NF1: variants seen among roughly 807,000 people sequenced by gnomAD.
NF1 encodes the protein neurofibromin.
A neutral mutation model predicts 325.7 loss-of-function variants in NF1; 122 were observed. That is an observed-to-expected ratio of 0.37 (90% CI 0.32 to 0.44). The LOEUF (loss-of-function observed/expected upper bound fraction) is 0.44, where lower values mean the gene tolerates loss of function less well. NF1 is among the 20% of genes least tolerant of loss of function. The pLI, the probability that NF1 is intolerant of heterozygous loss-of-function variation, is 1.00. For synonymous variants in NF1, 1,091 were observed against 1,186.0 expected (o/e 0.92, Z 1.65); for missense variants, 2,140 against 3,415.4 (o/e 0.63, Z 9.31).
At chr17:31,257,906 G>A (rs1030210326) in intron 31 of NF1, among the ~76,000 whole-genome samples, 1 of 152,006 alleles carries the variant, frequency 6.6e-6, no homozygotes, top group Non-Finnish European at 1.5e-5. Context: ...GTACTATCAG[G>A]TATAGGATGT....
Position 31,219,078 on chromosome 17 carries a change from C to T in NF1, c.1601C>T (p.Pro534Leu). 6.2e-7 allele frequency: 1 copy of T among 1,613,864 alleles called. No homozygotes were observed. Among genetic ancestry groups the T allele is most frequent in the Non-Finnish European group, 8.5e-7 (1 of 1,179,878 alleles). ...ELITGLVQLV[P>L]QSHMPEIAQE... ...ATTACAGGGCTCGTCCAACTGGTCCCTCAGTCACACATGCCAGAGATTGCT... is the reference window on the plus strand; with the variant it reads ...ATTACAGGGCTCGTCCAACTGGTCCTTCAGTCACACATGCCAGAGATTGCT... The change falls in exon 14 of 58, where the codon CCT (proline) becomes CTT (leucine). Residue 534 changes from proline (P) to leucine (L), a missense_variant. Transcript: ENST00000358273.
chr17:31,248,416 A>G (rs1357313978), intron 29 of NF1, among the ~76,000 whole-genome samples: 4 of 152,232 alleles, frequency 2.6e-5, no homozygotes, highest in African/African-American at 9.6e-5. Flanking sequence ...ACTTAAACAC[A>G]CATACACGTG....
chr17:31,376,607 A>G lies in NF1; in HGVS notation c.*2452A>G, dbSNP rs1302041753. ...CCACTATGTGTCCCTTGAGAAATGCAACACTTTTTTAGTCTTCATACTTGT... is the reference window on the plus strand; with the variant it reads ...CCACTATGTGTCCCTTGAGAAATGCGACACTTTTTTAGTCTTCATACTTGT... On this transcript the variant is annotated 3_prime_UTR_variant, in exon 58 of 58. Transcript: ENST00000358273. 2.1e-5 allele frequency: 5 copies of G among 232,980 alleles called. No individual in the cohort carries two copies. The highest frequency in any genetic ancestry group is 4.2e-5 in the Non-Finnish European group (5 of 117,936). 14.4% of individuals were successfully genotyped at this position (232,980 alleles called of 1,614,324 possible). A position where few individuals can be genotyped will look rare whatever the true frequency, so the allele number is the denominator to read the frequency against.
At chr17:31,132,707 C>T (rs1597598457) in intron 1 of NF1, among the ~76,000 whole-genome samples, 1 of 152,014 alleles carries the variant, frequency 6.6e-6, no homozygotes, top group Admixed American at 6.6e-5. Context: ...ACTGTTGTTG[C>T]CCAGGCTGGA....
intron 35 of NF1, among the ~76,000 whole-genome samples, chr17:31,263,031 ATAGATAGGTAGGTAGGTAGG>A (rs1200670088): frequency 6.9e-6 from 1 of 145,520 alleles, no homozygotes; most frequent in African/African-American, 2.7e-5. Context: ...AGATAGATAG[ATAGATAGGTAGGTAGGTAGG>A]TAGGTAGGTA....
chr17:31,312,306 T>G (rs1051483876), intron 36 of NF1, among the ~76,000 whole-genome samples: 1 of 151,904 alleles, frequency 6.6e-6, no homozygotes, highest in Middle Eastern at 3.2e-3. Flanking sequence ...GGTCAGGAGT[T>G]GAAGACCAGC....
At position 31,357,361 on chromosome 17, in the gene NF1, T is replaced by C. The variant is rs1597867008; in HGVS notation, c.7962T>C (p.Phe2654=). 1 of 1,612,194 alleles carries C rather than the reference T, an allele frequency of 6.2e-7. No individual in the cohort carries two copies. The highest frequency in any genetic ancestry group is 1.3e-5 in the African/African-American group (1 of 74,882). Residue 2654 remains phenylalanine, a synonymous_variant, in exon 54 of 58, where the codon TTT becomes TTC. Transcript: ENST00000358273. ...CCAGTGTTGTGTTTCCCAAAGTCTT[T>C]CCTGTTGTGTAAGTATCTCCTTTTG... The part of the protein sequence containing the change: ...AEASVVFPKV[F]PVVHNLLDSK...
At chr17:31,185,964 C>A (rs550550420) in intron 8 of NF1, among the ~76,000 whole-genome samples, 1 of 152,284 alleles carries the variant, frequency 6.6e-6, no homozygotes, top group African/African-American at 2.4e-5. Context: ...TGAGATACAG[C>A]TCTTGACCTG....
intron 36 of NF1, chr17:31,314,538 A>G (rs2151521320): frequency 6.6e-6 from 1 of 152,412 alleles, no homozygotes; most frequent in East Asian, 1.9e-4. Context: ...TAAATGCCTC[A>G]CCAACTGCAG....
chr17:31,268,491 G>T (rs1235654550), intron 36 of NF1, among the ~76,000 whole-genome samples: 1 of 151,976 alleles, frequency 6.6e-6, no homozygotes. Context: ...GGCAGGCGTG[G>T]TGGCACGTGG....
At chr17:31,357,578 C>T (rs1040059839) in intron 54 of NF1, 28 of 591,706 alleles carry the variant, frequency 4.7e-5, no homozygotes, top group Non-Finnish European at 8.1e-5. Flanking sequence ...TTTAAAAAAT[C>T]TGGTTGATTT....
intron 3 of NF1, among the ~76,000 whole-genome samples, chr17:31,160,886 T>C (rs2065750585): frequency 6.6e-6 from 1 of 152,238 alleles, no homozygotes; most frequent in African/African-American, 2.4e-5. Flanking sequence ...ACTTATGTAA[T>C]GCATAAAATG....
At chr17:31,224,418 G>A (rs2066978269) in intron 16 of NF1, among the ~76,000 whole-genome samples, 1 of 152,120 alleles carries the variant, frequency 6.6e-6, no homozygotes, top group Non-Finnish European at 1.5e-5. Flanking sequence ...AGTATTTACA[G>A]CTTGTTATTA....
In NF1 at chr17:31,232,068, T is replaced by TAATA; in HGVS notation, c.3198-5_3198-4insAATA. On this transcript the variant is annotated splice_polypyrimidine_tract_variant and splice_region_variant and intron_variant, in intron 24 of 57. Transcript: ENST00000358273. ...ATTTTTTTTTTTTTTTTTTTTTTTT[T>TAATA]TCAGAGATTTGGACCAGGCAAGCAT... 7.1e-7 allele frequency: 1 copy of TAATA among 1,406,102 alleles called. No individual in the cohort carries two copies. The highest frequency in any genetic ancestry group is 9.7e-7 in the Non-Finnish European group (1 of 1,033,410). 87.1% of individuals were successfully genotyped at this position (1,406,102 alleles called of 1,614,324 possible).
chr17:31,315,606 T>C (rs2069001044), intron 36 of NF1, among the ~76,000 whole-genome samples: 1 of 152,096 alleles, frequency 6.6e-6, no homozygotes, highest in Non-Finnish European at 1.5e-5. Context: ...AAGGAGTGAG[T>C]CCATCTGAAT....
chr17:31,191,739 A>G (rs537271897), intron 8 of NF1, among the ~76,000 whole-genome samples: 2 of 152,356 alleles, frequency 1.3e-5, no homozygotes, highest in South Asian at 2.1e-4. Flanking sequence ...AATAAGTGAT[A>G]TAAAAGAAAA....
At chr17:31,272,334 T>G (rs2067916037) in intron 36 of NF1, 1 of 152,260 alleles carries the variant, frequency 6.6e-6, no homozygotes, top group Non-Finnish European at 1.5e-5. Flanking sequence ...TTTGTCACAG[T>G]GTTCATATTC....
intron 4 of NF1, among the ~76,000 whole-genome samples, chr17:31,169,147 C>T (rs2065892475): frequency 6.6e-6 from 1 of 152,078 alleles, no homozygotes; most frequent in Non-Finnish European, 1.5e-5. Flanking sequence ...CTCAGATTAT[C>T]CCATTTTTGA....
At chr17:31,258,944 G>A in intron 32 of NF1, 88 bp from the exon 33 acceptor site, 5 of 871,342 alleles carry the variant, frequency 5.7e-6, no homozygotes, top group Non-Finnish European at 9.0e-6. Context: ...ATATCAATGA[G>A]AAAATTCATG....
Sources: allele counts gnomAD v4.1 joint callset (sites outside exome capture counted in the v4.1 genomes callset), GRCh38; gene constraint gnomAD v4.1.1; transcripts MANE v1.5; gene names NCBI Gene and HGNC (gene_info 2026-07-23, HGNC 2026-07-21).